SLC44A4: variants seen among roughly 807,000 people sequenced by gnomAD.
SLC44A4 encodes choline transporter-like protein 4.
Under a neutral mutation model 97.0 loss-of-function variants are expected in SLC44A4, and 74 were observed. The observed-to-expected ratio is 0.76, with a 90% confidence interval of 0.63 to 0.93. The LOEUF is 0.93. SLC44A4 is among the 40% of genes least tolerant of loss of function. The pLI, the probability that SLC44A4 is intolerant of heterozygous loss-of-function variation, is 0.00. For synonymous variants in SLC44A4, 325 were observed against 363.8 expected, an observed-to-expected ratio of 0.89 and a Z score of 1.21; for missense variants, 799 against 902.9, an observed-to-expected ratio of 0.88 and a Z score of 1.48.
Position 31,874,974 on chromosome 6 carries a change from G to A in SLC44A4, c.297C>T (p.Asn99=). The change falls in exon 5 of 21, where the codon AAC becomes AAT. Residue 99 remains asparagine, a synonymous_variant. Coordinates refer to ENST00000229729, the MANE Select transcript of SLC44A4 (RefSeq NM_025257.3). This position sits in a 1 kb window ranked among gnomAD's most constrained non-coding sequence, Gnocchi z 4.8. ...GGCCGTTCTCAGCAACTGAGATGAT[G>A]TTGCTGGACAGGATGCAGCTGAAGA... ...FNIFSCILSS[N]IISVAENGLQ... The A allele has an allele frequency of 3.1e-6, 5 of 1,613,560 alleles. No homozygotes were observed. The highest frequency in any genetic ancestry group is 4.2e-6 in the Non-Finnish European group (5 of 1,180,014).
In SLC44A4 at chr6:31,874,980, G is replaced by A; in HGVS notation, c.291C>T (p.Ser97=). The A allele has an allele frequency of 6.2e-7, 1 of 1,613,408 alleles. No individual in the cohort carries two copies. The highest frequency in any genetic ancestry group is 2.2e-5 in the East Asian group (1 of 44,894). ...LYFNIFSCIL[S]SNIISVAENG... ...TCTCAGCAACTGAGATGATGTTGCT[G>A]GACAGGATGCAGCTGAAGATGTTGA... The change falls in exon 5 of 21, where the codon TCC becomes TCT. Residue 97 remains serine, a synonymous_variant. Coordinates refer to ENST00000229729, the MANE Select transcript of SLC44A4 (RefSeq NM_025257.3). The surrounding 1 kb of genome is among the most constrained non-coding windows in gnomAD (Gnocchi z 4.8).
In SLC44A4 at chr6:31,876,197, G is replaced by T; in HGVS notation, c.90-68C>A. The T allele has an allele frequency of 7.7e-7, 1 of 1,291,418 alleles. No homozygotes were observed. Among genetic ancestry groups the T allele is most frequent in the Non-Finnish European group, 1.1e-6 (1 of 917,088 alleles). 80.0% of individuals were successfully genotyped at this position (1,291,418 alleles called of 1,614,324 possible). A position where few individuals can be genotyped will look rare whatever the true frequency, so the allele number is the denominator to read the frequency against. ...GGGAGGTAGGGCTTATGGTCTGGAGGGGTTAAGGGTTAGAGAGTTGGGTGA... is the reference window on the plus strand; with the variant it reads ...GGGAGGTAGGGCTTATGGTCTGGAGTGGTTAAGGGTTAGAGAGTTGGGTGA... On this transcript the variant is annotated intron_variant, in intron 2 of 20. Transcript: ENST00000229729. This position sits in a 1 kb window ranked among gnomAD's most constrained non-coding sequence, Gnocchi z 4.8.
At position 31,878,822 on chromosome 6, in the gene SLC44A4, C is replaced by G; in HGVS notation, c.40+119G>C. ...CCATGGCTCCCGGTTCCCGGGCCCTCCCCTCAGGGACACAGTACTCTCCTT... is the reference window on the plus strand; with the variant it reads ...CCATGGCTCCCGGTTCCCGGGCCCTGCCCTCAGGGACACAGTACTCTCCTT... On this transcript the variant is annotated intron_variant, in intron 1 of 20. Coordinates refer to ENST00000229729, the MANE Select transcript of SLC44A4 (RefSeq NM_025257.3). The surrounding 1 kb of genome is among the most constrained non-coding windows in gnomAD (Gnocchi z 4.0). 1 of 1,247,926 alleles carries G rather than the reference C, an allele frequency of 8.0e-7. No individual in the cohort carries two copies. Among genetic ancestry groups the G allele is most frequent in the South Asian group, 1.2e-5 (1 of 82,166 alleles). 77.3% of individuals were successfully genotyped at this position (1,247,926 alleles called of 1,614,324 possible). A position where few individuals can be genotyped will look rare whatever the true frequency, so the allele number is the denominator to read the frequency against.
At chr6:31,863,905 G>T (rs1488743529) in intron 20 of SLC44A4, among the ~76,000 whole-genome samples, 157 bp from the exon 21 acceptor site, 2 of 152,038 alleles carry the variant, frequency 1.3e-5, no homozygotes, top group Non-Finnish European at 2.9e-5. Flanking sequence ...AAGTGGGGTC[G>T]GGAATATTAT....
intron 7 of SLC44A4, among the ~76,000 whole-genome samples, chr6:31,872,020 C>G (rs1162436450): frequency 6.6e-6 from 1 of 152,092 alleles, no homozygotes; most frequent in African/African-American, 2.4e-5. Flanking sequence ...TACCTTTGCT[C>G]TTACTGTGCC....
At position 31,876,188 on chromosome 6, in the gene SLC44A4, G is replaced by A; in HGVS notation, c.90-59C>T. On this transcript the variant is annotated intron_variant, in intron 2 of 20. Transcript: ENST00000229729. This position sits in a 1 kb window ranked among gnomAD's most constrained non-coding sequence, Gnocchi z 4.8. Reference sequence around the variant, plus strand: ...GGAGACTTGGGGAGGTAGGGCTTATGGTCTGGAGGGGTTAAGGGTTAGAGA... The same window carrying A: ...GGAGACTTGGGGAGGTAGGGCTTATAGTCTGGAGGGGTTAAGGGTTAGAGA... 7.2e-7 allele frequency: 1 copy of A among 1,386,898 alleles called. No individual in the cohort carries two copies. The highest frequency in any genetic ancestry group is 1.0e-6 in the Non-Finnish European group (1 of 993,964). 85.9% of individuals were successfully genotyped at this position (1,386,898 alleles called of 1,614,324 possible).
intron 11 of SLC44A4, among the ~76,000 whole-genome samples, chr6:31,870,262 GGTGT>G (rs1763085451): frequency 1.3e-5 from 2 of 152,124 alleles, no homozygotes; most frequent in African/African-American, 4.8e-5. Flanking sequence ...TCCCTTGGCA[GGTGT>G]GTGTGGCAGT....
chr6:31,864,294 C>T (rs1762715271), intron 20 of SLC44A4, among the ~76,000 whole-genome samples: 1 of 152,080 alleles, frequency 6.6e-6, no homozygotes, highest in Non-Finnish European at 1.5e-5. Flanking sequence ...AGGCTGGTCT[C>T]GAACTCCTGA....
chr6:31,865,500 T>C lies in SLC44A4; in HGVS notation c.1684A>G (p.Met562Val). ...GGGTTGCTTGCAGTGTAGCTCACCATGATGTATGCATTGCGGTTTAGGAAC... is the reference window on the plus strand; with the variant it reads ...GGGTTGCTTGCAGTGTAGCTCACCACGATGTATGCATTGCGGTTTAGGAAC... ...IKFLNRNAYI[M>V]IAIYGKNFCV... The change falls in exon 16 of 21, where the codon ATG becomes GTG. Residue 562 changes from methionine (M) to valine (V), a missense_variant and splice_region_variant. By Grantham distance (21) the Met-to-Val change is conservative (BLOSUM62 1). This residue lies in a region of SLC44A4 where 379 missense variants were observed against 438.3 expected (regional missense o/e 0.86). Coordinates refer to ENST00000229729, the MANE Select transcript of SLC44A4 (RefSeq NM_025257.3). This position sits in a 1 kb window ranked among gnomAD's most constrained non-coding sequence, Gnocchi z 5.2. 1 of 1,610,114 alleles carries C rather than the reference T, an allele frequency of 6.2e-7. No homozygotes were observed. The highest frequency in any genetic ancestry group is 2.2e-5 in the East Asian group (1 of 44,770).
rs923967559 is a variant in SLC44A4 at position 31,876,733 on chromosome 6, G to T, written c.89+301C>A. 3.9e-5 allele frequency among the ~76,000 whole-genome samples: 6 copies of T among 152,114 alleles called. No individual in the cohort carries two copies. The highest frequency in any genetic ancestry group is 7.2e-5 in the African/African-American group (3 of 41,404). ...AGAAAGAAAACCTTTTTCTGGGTGG[G>T]TAAACTTTCTTCTGAAGTAAAAGAC... On this transcript the variant is annotated intron_variant, in intron 2 of 20. Coordinates refer to ENST00000229729, the MANE Select transcript of SLC44A4 (RefSeq NM_025257.3). The surrounding 1 kb of genome is among the most constrained non-coding windows in gnomAD (Gnocchi z 4.8).
chr6:31,865,531 A>C lies in SLC44A4; in HGVS notation c.1653T>G (p.Phe551Leu). Residue 551 changes from phenylalanine (F) to leucine (L), a missense_variant, in exon 16 of 21, where the codon TTT becomes TTG. By Grantham distance (22) the Phe-to-Leu change is conservative. This residue lies in a region of SLC44A4 where 379 missense variants were observed against 438.3 expected (regional missense o/e 0.86). Transcript: ENST00000229729. This position sits in a 1 kb window ranked among gnomAD's most constrained non-coding sequence, Gnocchi z 5.2. ...FKCCLWCLEK[F>L]IKFLNRNAYI... ...ATGCATTGCGGTTTAGGAACTTGAT[A>C]AATTTTTCCAGACACCAGAGGCAGC... 6.2e-7 allele frequency: 1 copy of C among 1,600,186 alleles called. No homozygotes were observed. The highest frequency in any genetic ancestry group is 8.5e-7 in the Non-Finnish European group (1 of 1,170,212).
chr6:31,874,705 TA>T lies in SLC44A4; in HGVS notation c.468+15del, dbSNP rs1763345038. On this transcript the variant is annotated intron_variant, in intron 6 of 20. Coordinates refer to ENST00000229729, the MANE Select transcript of SLC44A4 (RefSeq NM_025257.3). This position sits in a 1 kb window ranked among gnomAD's most constrained non-coding sequence, Gnocchi z 4.8. The stretch of plus-strand genomic sequence containing the variant: ...CCCTTCTGGGCGACAGTGATGAGGT[TA>T]GGGGCAATATTCACCATATTCCAGG... 1.9e-6 allele frequency: 3 copies of T among 1,602,396 alleles called. No individual in the cohort carries two copies. Among genetic ancestry groups the T allele is most frequent in the Non-Finnish European group, 1.7e-6 (2 of 1,174,640 alleles).
chr6:31,877,727 C>A lies in SLC44A4; in HGVS notation c.41-645G>T. On this transcript the variant is annotated intron_variant, in intron 1 of 20. Transcript: ENST00000229729. The surrounding 1 kb of genome is among the most constrained non-coding windows in gnomAD (Gnocchi z 6.5). ...GCCAGCAGTCAGAGTGACACCTGAG[C>A]CCAGCCATAGAGATTGCAGGCACGT... 1 of 627,596 alleles carries A rather than the reference C, an allele frequency of 1.6e-6. No individual in the cohort carries two copies. The highest frequency in any genetic ancestry group is 2.0e-6 in the Non-Finnish European group (1 of 502,960). 38.9% of individuals were successfully genotyped at this position (627,596 alleles called of 1,614,324 possible). A position where few individuals can be genotyped will look rare whatever the true frequency, so the allele number is the denominator to read the frequency against.
Position 31,870,602 on chromosome 6 carries a change from C to T in SLC44A4, c.1037+1G>A. On this transcript the variant is annotated splice_donor_variant, in intron 11 of 20. Coordinates refer to ENST00000229729, the MANE Select transcript of SLC44A4 (RefSeq NM_025257.3). LOFTEE classifies it high-confidence loss of function. ...CATCTCCCTCCCAGGCAGGCCCTAACTTGCTGGCCTCCTTCAGGAGGGCGA... is the reference window on the plus strand; with the variant it reads ...CATCTCCCTCCCAGGCAGGCCCTAATTTGCTGGCCTCCTTCAGGAGGGCGA... The T allele has an allele frequency of 1.9e-6, 3 of 1,593,608 alleles. No individual in the cohort carries two copies. Among genetic ancestry groups the T allele is most frequent in the Non-Finnish European group, 2.6e-6 (3 of 1,170,986 alleles).
At chr6:31,871,615 G>A (rs1172070428) in intron 7 of SLC44A4, 54 bp from the exon 8 acceptor site, 3 of 1,392,312 alleles carry the variant, frequency 2.2e-6, no homozygotes, top group African/African-American at 2.9e-5. Context: ...TGCCTGGAGG[G>A]TCTCTGGCCC....
intron 18 of SLC44A4, 47 bp from the exon 19 acceptor site, chr6:31,864,957 CTT>C (rs1217463141): frequency 6.2e-7 from 1 of 1,613,652 alleles, no homozygotes; most frequent in Admixed American, 1.7e-5. Context: ...GAGGCCACCT[CTT>C]CAGCTGCCCA....
At position 31,865,910 on chromosome 6, in the gene SLC44A4, T is replaced by C. The variant is rs1762838555; in HGVS notation, c.1450A>G (p.Thr484Ala). 6.2e-7 allele frequency: 1 copy of C among 1,614,054 alleles called. No homozygotes were observed. Among genetic ancestry groups the C allele is most frequent in the Admixed American group, 1.7e-5 (1 of 60,016 alleles). Residue 484 changes from threonine to alanine, a missense_variant, in exon 14 of 21, where the codon ACC becomes GCC. By Grantham distance (58) the Thr-to-Ala change is moderately conservative (BLOSUM62 0). Coordinates refer to ENST00000229729, the MANE Select transcript of SLC44A4 (RefSeq NM_025257.3). The surrounding 1 kb of genome is among the most constrained non-coding windows in gnomAD (Gnocchi z 5.2). ...WAFHKPQDIP[T>A]FPLISAFIRT... ...ATGAAGGCAGAGATTAAGGGGAAGG[T>C]AGGGATGTCCTGGGGCTTGTGGAAG...
chr6:31,870,498 TCTC>T (rs761861762), intron 11 of SLC44A4, 102 bp downstream of exon 11: 46 of 860,566 alleles, frequency 5.3e-5, no homozygotes, highest in African/African-American at 8.4e-5. Flanking sequence ...ATTCCTCCCT[TCTC>T]CTCTGAGGCT....
chr6:31,871,220 G>T (rs1763157160), intron 9 of SLC44A4, 94 bp downstream of exon 9: 7 of 1,386,450 alleles, frequency 5.0e-6, no homozygotes, highest in South Asian at 1.2e-5. Flanking sequence ...CTCCTCCTCT[G>T]TCCAAAGCCT....
Sources: gnomAD v4.1 joint callset for allele counts (sites outside exome capture counted in the v4.1 genomes callset) on GRCh38, gnomAD v4.1.1 for gene constraint, gnomAD v4.1.1 regional missense constraint, Gnocchi (gnomAD v3.1) non-coding constraint, MANE v1.5 for transcripts, NCBI Gene and HGNC (gene_info 2026-07-23, HGNC 2026-07-21) for gene names.